Variants in PTPRD observed in about 807,000 individuals in gnomAD.
PTPRD encodes receptor-type tyrosine-protein phosphatase delta.
PTPRD carries 34 observed loss-of-function variants against 214.5 expected under a neutral mutation model. The ratio of observed to expected loss-of-function variants is 0.16; its 90% CI spans 0.12 to 0.21. The LOEUF (loss-of-function observed/expected upper bound fraction) is 0.21. PTPRD is among the 10% of genes least tolerant of loss of function. The pLI is 1.00. For synonymous variants in PTPRD, 1,128 were observed against 845.7 expected, an observed-to-expected ratio of 1.33 and a Z score of -5.79; for missense variants, 2,545 against 2,398.7, an observed-to-expected ratio of 1.06 and a Z score of -1.27.
At chr9:9,901,589 A>C (rs1356924921) in intron 5 of PTPRD, among the ~76,000 whole-genome samples, 1 of 152,076 alleles carries the variant, frequency 6.6e-6, no homozygotes, top group Non-Finnish European at 1.5e-5. Context: ...TATTAAAATA[A>C]ATAAATTCTT....
At position 10,574,813 on chromosome 9, in the gene PTPRD, CATATAT is replaced by C. The variant is rs143887636; in HGVS notation, c.-600+37579_-600+37584del. Among the ~76,000 whole-genome samples the C allele has an allele frequency of 5.9e-5, 8 of 136,398 alleles. No homozygotes were observed. The South Asian group carries it at 1.2e-3, about 21-fold the overall frequency. The allele number at this position is 136,398 out of a possible 152,430, so 89.5% of individuals were successfully genotyped here. ...CACACATCAAATAGATATGTGTGTG[CATATAT>C]ATATATATATATATCTTAGATTCTC... On this transcript the variant is annotated intron_variant, in intron 2 of 45. Transcript: ENST00000381196.
At chr9:9,270,910 A>C (rs78874571) in intron 9 of PTPRD, among the ~76,000 whole-genome samples, 18,422 of 151,184 alleles carry the variant, frequency 0.12, 1,401 homozygotes, top group Middle Eastern at 0.2. Context: ...GAATCAAAGA[A>C]CACTCTTCGA....
intron 9 of PTPRD, among the ~76,000 whole-genome samples, chr9:9,200,157 G>A (rs2132254844): frequency 6.6e-6 from 1 of 152,312 alleles, no homozygotes; most frequent in South Asian, 2.1e-4. Context: ...CCATGAGCAA[G>A]CCAGCTTGGC....
intron 9 of PTPRD, among the ~76,000 whole-genome samples, chr9:9,379,151 C>T: frequency 6.7e-6 from 1 of 148,946 alleles, no homozygotes; most frequent in African/African-American, 2.5e-5. Flanking sequence ...TGTCTATGAT[C>T]CATTTGAGTT....
At position 8,518,529 on chromosome 9, in the gene PTPRD, A is replaced by C. The variant is rs1437167811; in HGVS notation, c.962-100T>G. 6 of 840,178 alleles carry C rather than the reference A, an allele frequency of 7.1e-6. No individual in the cohort carries two copies. In the African/African-American group the frequency reaches 1.0e-4, roughly 14 times the overall value. The allele number at this position is 840,178 out of a possible 1,614,324, so 52.0% of individuals were successfully genotyped here. ...ATGAAAATGACAGGATTATGTATCT[A>C]CTGAAGATTTAATTAAATGAAATTA... is the stretch of plus-strand genomic sequence containing the variant. On this transcript the variant is annotated intron_variant, in intron 20 of 45. Coordinates refer to ENST00000381196, the MANE Select transcript of PTPRD (RefSeq NM_002839.4).
chr9:9,944,533 T>C (rs2153976818), intron 4 of PTPRD, among the ~76,000 whole-genome samples: 1 of 152,164 alleles, frequency 6.6e-6, no homozygotes, highest in African/African-American at 2.4e-5. Context: ...AATATGGGAA[T>C]GAGGTAAATT....
At chr9:10,018,752 T>C (rs1481907928) in intron 4 of PTPRD, among the ~76,000 whole-genome samples, 1 of 151,140 alleles carries the variant, frequency 6.6e-6, no homozygotes, top group African/African-American at 2.4e-5. Flanking sequence ...GGTTTCACCG[T>C]TTTAGCCGGG....
intron 37 of PTPRD, among the ~76,000 whole-genome samples, chr9:8,383,270 G>A (rs982130696): frequency 2.0e-5 from 3 of 152,192 alleles, no homozygotes; most frequent in African/African-American, 7.2e-5. Context: ...GCTAGGGTAA[G>A]TTTACTAAGG....
intron 35 of PTPRD, among the ~76,000 whole-genome samples, chr9:8,405,187 T>C (rs949866448): frequency 1.3e-5 from 2 of 152,166 alleles, no homozygotes; most frequent in Non-Finnish European, 2.9e-5. Flanking sequence ...TGTAACACAC[T>C]AAGACCAATA....
chr9:10,144,168 A>G (rs2099007031), intron 3 of PTPRD, among the ~76,000 whole-genome samples: 1 of 152,136 alleles, frequency 6.6e-6, no homozygotes, highest in Admixed American at 6.6e-5. Flanking sequence ...ATTTTCACAA[A>G]TTATCTTTTT....
chr9:8,582,962 A>G (rs2093315221), intron 14 of PTPRD, among the ~76,000 whole-genome samples: 1 of 152,188 alleles, frequency 6.6e-6, no homozygotes, highest in Non-Finnish European at 1.5e-5. Context: ...TGAAATTGGA[A>G]ATAATTAAAA....
chr9:9,950,932 T>C (rs1285437458), intron 4 of PTPRD, among the ~76,000 whole-genome samples: 4 of 152,154 alleles, frequency 2.6e-5, no homozygotes, highest in Admixed American at 1.3e-4. Flanking sequence ...GGTTAAAGCA[T>C]TTGAAATCAG....
chr9:10,258,256 A>T (rs1419930235), intron 3 of PTPRD, among the ~76,000 whole-genome samples: 1 of 150,608 alleles, frequency 6.6e-6, no homozygotes, highest in Non-Finnish European at 1.5e-5. Context: ...GGTTTGACAC[A>T]TTTCTGCTTA....
intron 9 of PTPRD, among the ~76,000 whole-genome samples, chr9:9,328,436 A>G (rs1326204855): frequency 1.3e-5 from 2 of 151,994 alleles, no homozygotes; most frequent in African/African-American, 4.8e-5. Context: ...AAATATTTCC[A>G]TTCCATCTTA....
Position 8,317,728 on chromosome 9 carries a change from T to TTTAATTTGTTTTGTGTG in PTPRD, c.*129_*145dup, listed in dbSNP as rs1554659303. 3.3e-6 allele frequency: 2 copies of TTTAATTTGTTTTGTGTG among 602,548 alleles called. No individual in the cohort carries two copies. Among genetic ancestry groups the TTTAATTTGTTTTGTGTG allele is most frequent in the African/African-American group, 3.7e-5 (2 of 54,766 alleles). 37.3% of individuals were successfully genotyped at this position (602,548 alleles called of 1,614,324 possible). On this transcript the variant is annotated 3_prime_UTR_variant, in exon 46 of 46. Coordinates refer to ENST00000381196, the MANE Select transcript of PTPRD (RefSeq NM_002839.4). Reference sequence around the variant, plus strand: ...CTTGGTCCACCTGGAATAATTTGTTTTTAATTTGTTTTGTGTGTAATAGTC... The same window carrying TTTAATTTGTTTTGTGTG: ...CTTGGTCCACCTGGAATAATTTGTTTTTAATTTGTTTTGTGTGTTAATTTGTTTTGTGTGTAATAGTC...
intron 5 of PTPRD, among the ~76,000 whole-genome samples, chr9:9,850,869 C>G (rs2153664453): frequency 6.6e-6 from 1 of 152,280 alleles, no homozygotes; most frequent in Admixed American, 6.5e-5. Context: ...CACCATTTTA[C>G]TCTCTGCTTC....
At chr9:9,817,888 G>C (rs2049292740) in intron 5 of PTPRD, among the ~76,000 whole-genome samples, 1 of 152,280 alleles carries the variant, frequency 6.6e-6, no homozygotes, top group South Asian at 2.1e-4. Context: ...TGTGGAGCTA[G>C]TTAGCAAGAT....
intron 9 of PTPRD, among the ~76,000 whole-genome samples, chr9:9,297,499 T>C (rs993824031): frequency 1.3e-5 from 2 of 151,656 alleles, no homozygotes; most frequent in Admixed American, 6.6e-5. Flanking sequence ...CAAGTATTTA[T>C]ACTTATTAAA....
chr9:8,725,275 A>G (rs2098545070), intron 12 of PTPRD, among the ~76,000 whole-genome samples: 1 of 152,186 alleles, frequency 6.6e-6, no homozygotes, highest in South Asian at 2.1e-4. Context: ...TAGAAAATGT[A>G]AATTTTAAAA....
Sources: allele counts gnomAD v4.1 joint callset (sites outside exome capture counted in the v4.1 genomes callset), GRCh38; gene constraint gnomAD v4.1.1; transcripts MANE v1.5; gene names NCBI Gene and HGNC (gene_info 2026-07-23, HGNC 2026-07-21).